The following PBX1 variants were observed in gnomAD, a reference collection of about 807,000 sequenced individuals.
PBX1 encodes the protein PBX homeobox 1, also known as pre-B-cell leukemia transcription factor 1.
In PBX1, 6 loss-of-function variants were observed where a neutral mutation model predicts 53.4. The observed-to-expected ratio is 0.11, with a 90% CI of 0.06 to 0.22. PBX1 has a LOEUF of 0.22. Ranked by LOEUF, PBX1 falls within the 10% of genes least tolerant of loss-of-function variation. PBX1 has a pLI of 1.00. For missense variants in PBX1, 251 were observed against 551.4 expected (o/e 0.46, Z 5.46); for synonymous variants, 204 against 212.3 (o/e 0.96, Z 0.34).
At chr1:164,861,570 T>A (rs942260483) in intron 2 of PBX1, among the ~76,000 whole-genome samples, 1 of 152,154 alleles carries the variant, frequency 6.6e-6, no homozygotes, top group African/African-American at 2.4e-5. Context: ...CCAAATTGTC[T>A]GTTGTCAGGG....
intron 6 of PBX1, among the ~76,000 whole-genome samples, chr1:164,812,479 A>T (rs1400860841): frequency 6.6e-6 from 1 of 152,156 alleles, no homozygotes; most frequent in African/African-American, 2.4e-5. Flanking sequence ...GTGCTTAGAG[A>T]TAGTCTATTG....
In PBX1 at chr1:164,792,503, T is replaced by TC; in HGVS notation, c.277dup (p.Arg93ProfsTer29). ...CTGTCTTTTTCTGTAGTTTTGAGTA[T>TC]CCGAGGAGCCCAGGAGGAGGAACCC... On this transcript the variant is annotated frameshift_variant, in exon 3 of 9. Transcript: ENST00000420696. LOFTEE classifies it high-confidence loss of function. 6.2e-7 allele frequency: 1 copy of TC among 1,613,984 alleles called. No individual in the cohort carries two copies. The highest frequency in any genetic ancestry group is 8.5e-7 in the Non-Finnish European group (1 of 1,180,008).
At chr1:164,582,452 C>T (rs1274021457) in intron 2 of PBX1, among the ~76,000 whole-genome samples, 11 of 145,640 alleles carry the variant, frequency 7.6e-5, no homozygotes, top group Middle Eastern at 7.1e-3. Flanking sequence ...GACGGAGTTT[C>T]GCTCTTGTTC....
intron 2 of PBX1, among the ~76,000 whole-genome samples, chr1:164,636,443 C>T (rs1658786199): frequency 1.3e-5 from 2 of 152,190 alleles, no homozygotes. Flanking sequence ...CTTTCCACCT[C>T]ATTTATGAAA....
chr1:164,808,696 A>G (rs775147104), intron 5 of PBX1, among the ~76,000 whole-genome samples: 2 of 152,204 alleles, frequency 1.3e-5, no homozygotes, highest in East Asian at 1.9e-4. Flanking sequence ...GATCCCATCA[A>G]CCTGTGTTTA....
At chr1:164,746,774 T>A (rs1665917168) in intron 2 of PBX1, among the ~76,000 whole-genome samples, 2 of 152,172 alleles carry the variant, frequency 1.3e-5, no homozygotes, top group Admixed American at 1.3e-4. Flanking sequence ...TTTATATTGC[T>A]TTTATGTGAA....
rs945005467 is a variant in PBX1 at position 164,647,510 on chromosome 1, G to A, written c.265+84199G>A. Among the ~76,000 whole-genome samples the A allele has an allele frequency of 9.2e-5, 14 of 152,216 alleles. No homozygotes were observed. The East Asian group carries it at 1.5e-3, about 17-fold the overall frequency. ...CGAGGTGACCTAGTTGACCCCCTGG[G>A]CCCCTCCCAGGTATGATCTTTTAAG... On this transcript the variant is annotated intron_variant, in intron 2 of 8. Coordinates refer to ENST00000420696, the MANE Select transcript of PBX1 (RefSeq NM_002585.4).
chr1:164,561,413 A>C (rs2101683122), intron 1 of PBX1, among the ~76,000 whole-genome samples: 1 of 152,358 alleles, frequency 6.6e-6, no homozygotes, highest in African/African-American at 2.4e-5. Context: ...AAAGACTCAA[A>C]GTATCCTAAG....
intron 2 of PBX1, among the ~76,000 whole-genome samples, chr1:164,649,213 A>C (rs1369890786): frequency 2.0e-5 from 3 of 152,118 alleles, no homozygotes; most frequent in Non-Finnish European, 4.4e-5. Flanking sequence ...TCCTTCCCTT[A>C]ACAAAGTATT....
At chr1:164,649,883 A>G (rs1439011468) in intron 2 of PBX1, among the ~76,000 whole-genome samples, 1 of 152,102 alleles carries the variant, frequency 6.6e-6, no homozygotes, top group Non-Finnish European at 1.5e-5. Context: ...TCTCATAATA[A>G]CATTGCCAGC....
chr1:164,668,318 G>T (rs1377997825), intron 2 of PBX1, among the ~76,000 whole-genome samples: 1 of 152,148 alleles, frequency 6.6e-6, no homozygotes, highest in African/African-American at 2.4e-5. Context: ...CACCAGACCC[G>T]ATTGTGTCTT....
At chr1:164,807,366 G>A (rs559713145) in intron 4 of PBX1, among the ~76,000 whole-genome samples, 176 bp from the exon 5 acceptor site, 1 of 152,224 alleles carries the variant, frequency 6.6e-6, no homozygotes, top group Non-Finnish European at 1.5e-5. Flanking sequence ...ACACAATGAA[G>A]TATTGAGCAA....
At chr1:164,621,450 G>T (rs1158226028) in intron 2 of PBX1, among the ~76,000 whole-genome samples, 2 of 152,162 alleles carry the variant, frequency 1.3e-5, no homozygotes, top group Non-Finnish European at 2.9e-5. Context: ...GCAAAGGACT[G>T]CCTGGGGGGT....
intron 2 of PBX1, among the ~76,000 whole-genome samples, chr1:164,580,369 C>G (rs1654524693): frequency 6.6e-6 from 1 of 152,204 alleles, no homozygotes; most frequent in South Asian, 2.1e-4. Context: ...ACCTCCGCCT[C>G]CCGGGTTCAA....
rs1491556927 is a variant in PBX1 at position 164,844,116 on chromosome 1, T to TTTCTTTC, written c.1201-2466_1201-2465insCTTTCTT. Among the ~76,000 whole-genome samples, 67 of 57,720 alleles carry TTTCTTTC rather than the reference T, an allele frequency of 1.2e-3. No individual in the cohort carries two copies. In the South Asian group the frequency reaches 0.024, roughly 21 times the overall value. 37.9% of individuals were successfully genotyped at this position (57,720 alleles called of 152,430 possible). On this transcript the variant is annotated intron_variant, in intron 8 of 8. Transcript: ENST00000420696. ...CCTTTTTTCTTTCTTTCTTTCTTTC[T>TTTCTTTC]TTTTTTTTTTTTTTTTACCAGAATT...
At chr1:164,634,571 T>G (rs1658621171) in intron 2 of PBX1, among the ~76,000 whole-genome samples, 2 of 152,298 alleles carry the variant, frequency 1.3e-5, no homozygotes, top group Admixed American at 6.5e-5. Context: ...CTCTTTGGGT[T>G]TCGTTTCTGG....
In PBX1 at chr1:164,846,716, T is replaced by G; in HGVS notation, c.*40T>G. 6.2e-7 allele frequency: 1 copy of G among 1,613,914 alleles called. No individual in the cohort carries two copies. Among genetic ancestry groups the G allele is most frequent in the Non-Finnish European group, 8.5e-7 (1 of 1,179,910 alleles). On this transcript the variant is annotated 3_prime_UTR_variant, in exon 9 of 9. Transcript: ENST00000420696. ...CATCCCGGCTGACCCTGTGCCCCAG[T>G]TGGGGCAGGGGCAGGAGGGAGGGTT...
chr1:164,845,709 T>G (rs1671538753), intron 8 of PBX1, among the ~76,000 whole-genome samples: 1 of 152,196 alleles, frequency 6.6e-6, no homozygotes, highest in South Asian at 2.1e-4. Flanking sequence ...ATTGTTGGGA[T>G]GCTCCTGGAT....
intron 2 of PBX1, among the ~76,000 whole-genome samples, chr1:164,765,406 C>A (rs1391399056): frequency 6.6e-6 from 1 of 152,136 alleles, no homozygotes; most frequent in Admixed American, 6.5e-5. Context: ...AAACTTGGAA[C>A]AGGAAGAGGG....
Sources: gnomAD v4.1 joint callset for allele counts (sites outside exome capture counted in the v4.1 genomes callset) on GRCh38, gnomAD v4.1.1 for gene constraint, MANE v1.5 for transcripts, NCBI Gene and HGNC (gene_info 2026-07-23, HGNC 2026-07-21) for gene names.